Variants in COL28A1 observed in about 807,000 individuals in gnomAD.
COL28A1 encodes the protein collagen alpha-1(XXVIII) chain.
A neutral mutation model predicts 150.2 loss-of-function variants in COL28A1; 161 were observed. That is an observed-to-expected ratio of 1.07 (90% CI 0.94 to 1.22). The LOEUF is 1.22. Among genes scored for constraint, COL28A1 ranks in the 50% most tolerant of loss-of-function variants. The pLI is 0.00. For missense variants in COL28A1, 1,617 were observed against 1,388.3 expected (o/e 1.16, Z -2.62); for synonymous variants, 552 against 469.7 (o/e 1.18, Z -2.26).
rs200378540 is a variant in COL28A1, at chr7:7,360,458, G to A, written c.3137C>T (p.Ala1046Val). 19 of 1,608,914 alleles carry A rather than the reference G, an allele frequency of 1.2e-5. No individual in the cohort carries two copies. In the African/African-American group the frequency reaches 2.0e-4, roughly 17 times the overall value. The change falls in exon 34 of 35, where the codon GCC (alanine) becomes GTC (valine). Residue 1046 changes from alanine (A) to valine (V), a missense_variant. Ala to Val is a moderately conservative substitution (Grantham distance 64). Coordinates refer to ENST00000399429, the MANE Select transcript of COL28A1 (RefSeq NM_001037763.3). ...PEPTWADDLP[A>V]TTSSEATTTP... ...GGTGGTGGCCTCAGATGAGGTAGTG[G>A]CAGGCAGATCATCAGCCCACGTTGG...
At chr7:7,350,950 C>T in the COL28A1 span, among the ~76,000 whole-genome samples, 3 of 151,966 alleles carry the variant, frequency 2.0e-5, no homozygotes, top group East Asian at 1.9e-4. Flanking sequence ...AGCTTCTAGT[C>T]GATTTCAGAG....
At chr7:7,362,256 T>G (rs1254985532) in intron 33 of COL28A1, among the ~76,000 whole-genome samples, 4 of 151,930 alleles carry the variant, frequency 2.6e-5, no homozygotes, top group Non-Finnish European at 4.4e-5. Context: ...TTATATTCTT[T>G]TGCAAATTTT....
In COL28A1 at chr7:7,456,120, G is replaced by A; in HGVS notation, c.1303-8C>T. 1 of 1,608,544 alleles carries A rather than the reference G, an allele frequency of 6.2e-7. No homozygotes were observed. ...CACAGGTCCTATATCCCCCTGCACAGAAAATAAGCCAGGAAATATAACAAT... is the reference window on the plus strand; with the variant it reads ...CACAGGTCCTATATCCCCCTGCACAAAAAATAAGCCAGGAAATATAACAAT... On this transcript the variant is annotated splice_region_variant and splice_polypyrimidine_tract_variant and intron_variant, in intron 15 of 34. Transcript: ENST00000399429.
intron 21 of COL28A1, among the ~76,000 whole-genome samples, chr7:7,439,212 C>A (rs1785569960): frequency 1.3e-5 from 2 of 152,170 alleles, no homozygotes; most frequent in African/African-American, 4.8e-5. Flanking sequence ...AGAGCTGAAG[C>A]CTCCCGCTGT....
At chr7:7,375,641 G>T (rs778667050) in intron 30 of COL28A1, 144 bp from the exon 31 acceptor site, 43 of 464,520 alleles carry the variant, frequency 9.3e-5, no homozygotes, top group Non-Finnish European at 1.5e-4. Context: ...CAACACAGAA[G>T]TCAAAAGCTG....
chr7:7,513,206 C>T (rs1051969372), intron 8 of COL28A1, among the ~76,000 whole-genome samples: 4 of 152,160 alleles, frequency 2.6e-5, no homozygotes, highest in African/African-American at 9.7e-5. Context: ...TATTGCTAAT[C>T]CCCATAGCAG....
intron 27 of COL28A1, among the ~76,000 whole-genome samples, chr7:7,382,902 G>C (rs1781947978): frequency 6.6e-6 from 1 of 152,148 alleles, no homozygotes; most frequent in South Asian, 2.1e-4. Flanking sequence ...AGGCACTCCT[G>C]GAAGGGGCCA....
At chr7:7,383,278 GTGTGTGTGTGTT>G (rs1404891493) in intron 27 of COL28A1, among the ~76,000 whole-genome samples, 66 of 138,958 alleles carry the variant, frequency 4.7e-4, no homozygotes, top group East Asian at 3.1e-3. Context: ...GTGTGTGTGT[GTGTGTGTGTGTT>G]TTTTTTGAGA....
intron 10 of COL28A1, 80 bp from the exon 11 acceptor site, chr7:7,506,147 G>GA: frequency 1.2e-6 from 1 of 817,882 alleles, no homozygotes; most frequent in Non-Finnish European, 2.2e-6. Context: ...GGTCCCTAGA[G>GA]ATCCTGGCGA....
chr7:7,446,045 A>T (rs2128324710), intron 18 of COL28A1, among the ~76,000 whole-genome samples: 1 of 152,174 alleles, frequency 6.6e-6, no homozygotes, highest in East Asian at 1.9e-4. Flanking sequence ...TTCAGTAGAG[A>T]CGGGCTTTCT....
intron 15 of COL28A1, among the ~76,000 whole-genome samples, chr7:7,461,731 C>T (rs1039953315): frequency 6.6e-6 from 1 of 152,118 alleles, no homozygotes; most frequent in African/African-American, 2.4e-5. Flanking sequence ...CACAGCAAGA[C>T]CCACCCAAGT....
upstream of COL28A1, among the ~76,000 whole-genome samples, chr7:7,538,487 G>A (rs1782721343): frequency 6.6e-6 from 1 of 152,108 alleles, no homozygotes; most frequent in Non-Finnish European, 1.5e-5. Flanking sequence ...GTCACTTGAG[G>A]TCTGTGATAC....
chr7:7,524,317 T>C (rs1781903397), intron 3 of COL28A1, 68 bp from the exon 4 acceptor site: 3 of 884,148 alleles, frequency 3.4e-6, no homozygotes, highest in Non-Finnish European at 5.7e-6. Flanking sequence ...TTATTAGTCA[T>C]AACTATTCCC....
the COL28A1 span, among the ~76,000 whole-genome samples, chr7:7,340,809 A>C: frequency 6.6e-6 from 1 of 152,116 alleles, no homozygotes; most frequent in Admixed American, 6.6e-5. Flanking sequence ...TCTGGGGAAA[A>C]GAAAAAAATG....
At chr7:7,499,810 A>T (rs1214993733) in intron 11 of COL28A1, among the ~76,000 whole-genome samples, 1 of 152,234 alleles carries the variant, frequency 6.6e-6, no homozygotes, top group Non-Finnish European at 1.5e-5. Flanking sequence ...CTAGCTACTA[A>T]GCTAATTTTG....
Position 7,477,121 on chromosome 7 carries a change from TG to T in COL28A1, c.1223del (p.Pro408GlnfsTer30). On this transcript the variant is annotated frameshift_variant, in exon 14 of 35. Coordinates refer to ENST00000399429, the MANE Select transcript of COL28A1 (RefSeq NM_001037763.3). LOFTEE classifies it high-confidence loss of function. ...CAGAAGGTATTGTTACCTTTGGTCCTGGAAATCCTTCTCCGGGTAAGCCCCT... is the reference window on the plus strand; with the variant it reads ...CAGAAGGTATTGTTACCTTTGGTCCTGAAATCCTTCTCCGGGTAAGCCCCT... ...GERGLPGEGF[P>X]GPKGEKGSEG... 8.0e-7 allele frequency: 1 copy of T among 1,252,378 alleles called. No homozygotes were observed. The highest frequency in any genetic ancestry group is 1.2e-6 in the Non-Finnish European group (1 of 849,074). 77.6% of individuals were successfully genotyped at this position (1,252,378 alleles called of 1,614,324 possible).
intron 25 of COL28A1, among the ~76,000 whole-genome samples, chr7:7,429,773 G>A (rs546178178): frequency 6.6e-6 from 1 of 152,120 alleles, no homozygotes; most frequent in Non-Finnish European, 1.5e-5. Flanking sequence ...CAGGTGAGAG[G>A]GAGGCGTGCA....
chr7:7,477,651 G>A (rs1285695072), intron 13 of COL28A1, among the ~76,000 whole-genome samples: 3 of 152,218 alleles, frequency 2.0e-5, no homozygotes, highest in African/African-American at 4.8e-5. Flanking sequence ...GCTGGCTTCA[G>A]GAGTGAAGCT....
chr7:7,420,713 A>T (rs7800860), intron 25 of COL28A1, among the ~76,000 whole-genome samples: 43,882 of 152,154 alleles, frequency 0.29, 8,441 homozygotes, highest in African/African-American at 0.55. Flanking sequence ...CTACATTTCA[A>T]AGGGCTCAGA....
Sources: allele counts gnomAD v4.1 joint callset (sites outside exome capture counted in the v4.1 genomes callset), GRCh38; gene constraint gnomAD v4.1.1; transcripts MANE v1.5; gene names NCBI Gene and HGNC (gene_info 2026-07-23, HGNC 2026-07-21).